The following SHROOM2 variants were observed in gnomAD, a reference collection of about 807,000 sequenced individuals.
SHROOM2 encodes the protein shroom family member 2.
Under a neutral mutation model 75.9 loss-of-function variants are expected in SHROOM2, and 33 were observed. The ratio of observed to expected loss-of-function variants is 0.43; its 90% CI spans 0.33 to 0.58. SHROOM2 has a LOEUF of 0.58. Ranked by LOEUF, SHROOM2 falls within the 20% of genes least tolerant of loss-of-function variation. The probability of loss-of-function intolerance (pLI) is 0.04; values close to 1 mark genes in which losing one functional copy is unlikely to be tolerated. For missense variants in SHROOM2, 1,434 were observed against 1,461.2 expected (o/e 0.98, Z 0.30); for synonymous variants, 655 against 663.6 (o/e 0.99, Z 0.20).
intron 5 of SHROOM2, among the ~76,000 whole-genome samples, chrX:9,927,130 C>T (rs2084601883): frequency 9.1e-6 from 1 of 110,291 alleles, no homozygotes; most frequent in Non-Finnish European, 1.9e-5. Context: ...AAAAGGATCA[C>T]TTGAGCCCAG....
intron 1 of SHROOM2, among the ~76,000 whole-genome samples, chrX:9,790,102 C>T (rs2083639328): frequency 8.9e-6 from 1 of 112,150 alleles, no homozygotes; most frequent in Admixed American, 9.4e-5. Flanking sequence ...TTTTGGGGGG[C>T]GTGCAGCCAG....
intron 1 of SHROOM2, among the ~76,000 whole-genome samples, chrX:9,873,274 T>A (rs1200852784): frequency 1.8e-5 from 2 of 112,752 alleles, no homozygotes; most frequent in African/African-American, 6.4e-5. Context: ...TGAATTATAT[T>A]TCTATAAAGC....
At position 9,947,132 on chromosome X, in the gene SHROOM2, TGCTGAGAGCCA is replaced by T; in HGVS notation, c.*196_*206del. The T allele has an allele frequency of 2.2e-6, 1 of 457,080 alleles. No homozygotes were observed. The allele number at this position is 457,080 out of a possible 1,213,427, so 37.7% of individuals were successfully genotyped here. On this transcript the variant is annotated 3_prime_UTR_variant, in exon 10 of 10. Transcript: ENST00000380913. Reference sequence around the variant, plus strand: ...TTAATTTTTTAGTTTCCCCTTTGATTGCTGAGAGCCATTTTCCTTTACACATAACTACACCT... The same window carrying T: ...TTAATTTTTTAGTTTCCCCTTTGATTTTTTCCTTTACACATAACTACACCT...
intron 1 of SHROOM2, among the ~76,000 whole-genome samples, chrX:9,854,230 C>T (rs770916095): frequency 2.7e-5 from 3 of 112,823 alleles, no homozygotes; most frequent in African/African-American, 9.6e-5. Context: ...TGAGCAGTTA[C>T]ATCATAAAAA....
chrX:9,919,082 A>C (rs1284670536), intron 5 of SHROOM2, among the ~76,000 whole-genome samples: 2 of 111,283 alleles, frequency 1.8e-5, no homozygotes, highest in Non-Finnish European at 3.8e-5. Flanking sequence ...CTGTTGACTC[A>C]GTGAGCTTTT....
At chrX:9,858,282 C>T (rs776464917) in intron 1 of SHROOM2, among the ~76,000 whole-genome samples, 2 of 111,696 alleles carry the variant, frequency 1.8e-5, no homozygotes, top group East Asian at 2.8e-4. Flanking sequence ...TGAACAAGGC[C>T]CGTCCCTTTG....
At chrX:9,858,599 C>T (rs1157929939) in intron 1 of SHROOM2, among the ~76,000 whole-genome samples, 1 of 111,149 alleles carries the variant, frequency 9.0e-6, no homozygotes, top group Non-Finnish European at 1.9e-5. Context: ...GTCAAGAGTT[C>T]GAGACCAGCT....
At chrX:9,803,812 A>T (rs1601914336) in intron 1 of SHROOM2, among the ~76,000 whole-genome samples, 1 of 111,099 alleles carries the variant, frequency 9.0e-6, no homozygotes, top group Middle Eastern at 4.6e-3. Flanking sequence ...CATGCAGTAT[A>T]CTCCATGGGC....
At chrX:9,849,423 A>G (rs5934701) in intron 1 of SHROOM2, among the ~76,000 whole-genome samples, 12,642 of 111,433 alleles carry the variant, frequency 0.11, 800 homozygotes, top group African/African-American at 0.26. Flanking sequence ...GAGGCTGCCC[A>G]TGTGGGACCA....
intron 1 of SHROOM2, among the ~76,000 whole-genome samples, chrX:9,792,036 GAATA>G (rs2083655865): frequency 3.4e-3 from 1 of 292 alleles, no homozygotes; most frequent in Admixed American, 0.071. Flanking sequence ...GAATAGAATA[GAATA>G]GAATAGAATA....
chrX:9,847,922 T>C (rs770814850), intron 1 of SHROOM2, among the ~76,000 whole-genome samples: 1 of 112,004 alleles, frequency 8.9e-6, no homozygotes, highest in South Asian at 3.8e-4. Context: ...CCTTTGCATC[T>C]GTGGCTGCTC....
At chrX:9,939,911 C>G (rs1438120561) in intron 8 of SHROOM2, among the ~76,000 whole-genome samples, 1 of 111,526 alleles carries the variant, frequency 9.0e-6, no homozygotes, top group East Asian at 2.8e-4. Context: ...CTCAGCCCCT[C>G]GAGTAGCTGG....
chrX:9,853,733 T>C (rs191721311), intron 1 of SHROOM2, among the ~76,000 whole-genome samples: 28 of 112,251 alleles, frequency 2.5e-4, no homozygotes, highest in Admixed American at 2.3e-3. Flanking sequence ...AGGCCACATG[T>C]ACAGGTTCCA....
chrX:9,871,136 C>T (rs969809864), intron 1 of SHROOM2, among the ~76,000 whole-genome samples: 2 of 111,123 alleles, frequency 1.8e-5, no homozygotes, highest in African/African-American at 6.5e-5. Context: ...TGTAACTTGC[C>T]TCCTTATACA....
intron 6 of SHROOM2, among the ~76,000 whole-genome samples, chrX:9,935,730 C>T (rs1441326993): frequency 9.0e-6 from 1 of 111,413 alleles, no homozygotes; most frequent in African/African-American, 3.3e-5. Context: ...GGAAAAACAG[C>T]ATTAAATTTA....
In SHROOM2 at chrX:9,927,354, TC is replaced by T. The variant is rs2084604393; in HGVS notation, c.2892-4819del. On this transcript the variant is annotated intron_variant, in intron 5 of 9. Transcript: ENST00000380913. ...AAAACAGCAAGACCCTATCTCTGTCTCCAAAAAAAAAAAAAAAAAAAAAAAA... is the reference window on the plus strand; with the variant it reads ...AAAACAGCAAGACCCTATCTCTGTCTCAAAAAAAAAAAAAAAAAAAAAAAA... Among the ~76,000 whole-genome samples the T allele has an allele frequency of 1.8e-4, 7 of 39,415 alleles. No homozygotes were observed. The Admixed American group carries it at 3.2e-3, about 18-fold the overall frequency. The allele number at this position is 39,415 out of a possible 115,157, so 34.2% of individuals were successfully genotyped here.
At chrX:9,940,402 A>G (rs1003678351) in intron 8 of SHROOM2, among the ~76,000 whole-genome samples, 6 of 111,581 alleles carry the variant, frequency 5.4e-5, no homozygotes, top group Non-Finnish European at 1.1e-4. Flanking sequence ...TGCCGCCCTC[A>G]TCTGTGGGGC....
intron 1 of SHROOM2, among the ~76,000 whole-genome samples, chrX:9,833,989 T>C (rs1487267233): frequency 8.9e-6 from 1 of 112,091 alleles, no homozygotes; most frequent in Non-Finnish European, 1.9e-5. Flanking sequence ...GAGGTTCCCA[T>C]CTACACTAGT....
At chrX:9,869,880 A>G (rs1347040644) in intron 1 of SHROOM2, among the ~76,000 whole-genome samples, 2 of 111,982 alleles carry the variant, frequency 1.8e-5, no homozygotes, top group Non-Finnish European at 3.8e-5. Context: ...TTTTGTGAGT[A>G]CGCAGTAGGT....
Sources: allele counts gnomAD v4.1 joint callset (sites outside exome capture counted in the v4.1 genomes callset), GRCh38; gene constraint gnomAD v4.1.1; transcripts MANE v1.5; gene names NCBI Gene and HGNC (gene_info 2026-07-23, HGNC 2026-07-21).